The following MMS19 variants were observed in gnomAD, a reference collection of about 807,000 sequenced individuals.
MMS19 encodes MMS19 nucleotide excision repair protein homolog.
A neutral mutation model predicts 129.8 loss-of-function variants in MMS19; 77 were observed. The ratio of observed to expected loss-of-function variants is 0.59; its 90% CI spans 0.49 to 0.72. MMS19 has a LOEUF of 0.72. Ranked by LOEUF, MMS19 falls within the 30% of genes least tolerant of loss-of-function variation. MMS19 has a pLI of 0.00. For missense variants in MMS19, 1,168 were observed against 1,266.3 expected (o/e 0.92, Z 1.18); for synonymous variants, 491 against 502.8 (o/e 0.98, Z 0.31).
intron 17 of MMS19, 52 bp from the exon 18 acceptor site, chr10:97,466,006 G>T (rs1471334123): frequency 3.0e-5 from 48 of 1,611,394 alleles, no homozygotes; most frequent in Non-Finnish European, 4.0e-5. Flanking sequence ...AAGCACGAAG[G>T]CCCCAAAGCC....
At position 97,482,106 on chromosome 10, in the gene MMS19, A is replaced by G. The variant is rs534868841; in HGVS notation, c.162-1064T>C. On this transcript the variant is annotated intron_variant, in intron 2 of 30. Transcript: ENST00000438925. ...TGGGTGGATGGCTTGGGCCCAGGAG[A>G]TCGAGGCTGCAGTGGGCCATGATCG... Among the ~76,000 whole-genome samples the G allele has an allele frequency of 2.4e-4, 36 of 152,230 alleles. No individual in the cohort carries two copies. In the South Asian group the frequency reaches 3.1e-3, roughly 13 times the overall value.
intron 22 of MMS19, 57 bp downstream of exon 22, chr10:97,461,771 G>C (rs1374780759): frequency 1.3e-6 from 2 of 1,566,550 alleles, no homozygotes; most frequent in African/African-American, 2.7e-5. Flanking sequence ...GCAAATTTCA[G>C]CCCGGAGTCA....
chr10:97,470,882 G>A, intron 8 of MMS19, 21 bp from the exon 9 acceptor site: 2 of 1,610,320 alleles, frequency 1.2e-6, no homozygotes, highest in Non-Finnish European at 8.5e-7. Flanking sequence ...GAGAAGGGCT[G>A]TGGGTTTGTG....
intron 10 of MMS19, 81 bp downstream of exon 10, chr10:97,470,048 G>C (rs970742669): frequency 2.0e-6 from 2 of 1,005,364 alleles, no homozygotes; most frequent in African/African-American, 3.2e-5. Flanking sequence ...ACTGTTCCTT[G>C]GCTATCCTAG....
At chr10:97,496,493 C>T (rs1589840308) in intron 1 of MMS19, among the ~76,000 whole-genome samples, 1 of 123,960 alleles carries the variant, frequency 8.1e-6, no homozygotes, top group East Asian at 2.3e-4. Flanking sequence ...GCCTGGCAGA[C>T]AGAGAGGGAC....
In MMS19 at chr10:97,462,868, T is replaced by A. The variant is rs2032387247; in HGVS notation, c.1913-186A>T. 6 of 600,688 alleles carry A rather than the reference T, an allele frequency of 1.0e-5. No individual in the cohort carries two copies. The South Asian group carries it at 1.2e-4, about 12-fold the overall frequency. 37.2% of individuals were successfully genotyped at this position (600,688 alleles called of 1,614,324 possible). On this transcript the variant is annotated intron_variant, in intron 19 of 30. Transcript: ENST00000438925. ...CACCAGAAACAGGAGTGGTCTGACC[T>A]GGGGCCACAGAGCGCTCCTGAGAAC...
At chr10:97,486,461 G>A (rs1351424445) in intron 1 of MMS19, among the ~76,000 whole-genome samples, 3 of 152,216 alleles carry the variant, frequency 2.0e-5, no homozygotes, top group African/African-American at 4.8e-5. Flanking sequence ...GATTGCAGGC[G>A]TGAGCCACTG....
Position 97,467,985 on chromosome 10 carries a change from A to T in MMS19, c.1218+267T>A, listed in dbSNP as rs868559211. Among the ~76,000 whole-genome samples, 101 of 145,638 alleles carry T rather than the reference A, an allele frequency of 6.9e-4. 1 individual carries two copies. Among genetic ancestry groups the T allele is most frequent in the Middle Eastern group, 3.6e-3 (1 of 280 alleles). ...GTCCTGCTTGGCTAATTTAAAAAAA[A>T]TTTTTTTTTTTTTAGAGATGGGATC... is the stretch of plus-strand genomic sequence containing the variant. On this transcript the variant is annotated intron_variant, in intron 13 of 30. Coordinates refer to ENST00000438925, the MANE Select transcript of MMS19 (RefSeq NM_022362.5).
intron 10 of MMS19, 147 bp downstream of exon 10, chr10:97,469,982 G>T (rs959494265): frequency 4.5e-6 from 3 of 665,880 alleles, no homozygotes; most frequent in African/African-American, 3.6e-5. Context: ...TGCAGCTGGG[G>T]GCTTCAGGTC....
intron 1 of MMS19, among the ~76,000 whole-genome samples, chr10:97,492,593 AAT>A: frequency 6.6e-6 from 1 of 151,922 alleles, no homozygotes; most frequent in South Asian, 2.1e-4. Flanking sequence ...TCACACCTGT[AAT>A]CCTTGCACTT....
rs200237412 is a variant in MMS19 at position 97,483,368 on chromosome 10, T to A, written c.161+735A>T. Among the ~76,000 whole-genome samples, 81 of 152,062 alleles carry A rather than the reference T, an allele frequency of 5.3e-4. No homozygotes were observed. In the East Asian group the frequency reaches 7.7e-3, roughly 15 times the overall value. ...TGCACCCAGCCAATACTGTATATAT[T>A]TTTTTTAATGGACCAAGGCCACCAC... On this transcript the variant is annotated intron_variant, in intron 2 of 30. Transcript: ENST00000438925.
intron 8 of MMS19, among the ~76,000 whole-genome samples, chr10:97,473,295 T>TA (rs2035119694): frequency 1.3e-5 from 2 of 152,036 alleles, no homozygotes; most frequent in Non-Finnish European, 2.9e-5. Context: ...CTCGGCCTCT[T>TA]AAAGTGCTTA....
At chr10:97,478,205 G>A in intron 4 of MMS19, 99 bp downstream of exon 4, 1 of 932,858 alleles carries the variant, frequency 1.1e-6, no homozygotes, top group Non-Finnish European at 1.7e-6. Flanking sequence ...TTGGGCACCT[G>A]CTCCTCAGCA....
intron 1 of MMS19, among the ~76,000 whole-genome samples, chr10:97,494,208 G>A (rs1467128847): frequency 1.3e-5 from 2 of 152,136 alleles, no homozygotes; most frequent in African/African-American, 4.8e-5. Context: ...TTTCCAACAC[G>A]TTCAAGATTT....
At chr10:97,497,430 GTT>G (rs957754776) in intron 1 of MMS19, among the ~76,000 whole-genome samples, 1 of 151,624 alleles carries the variant, frequency 6.6e-6, no homozygotes, top group African/African-American at 2.4e-5. Flanking sequence ...AATTTCCAAA[GTT>G]TTTTTAAAAA....
chr10:97,474,328 A>C (rs2035342406), intron 8 of MMS19, among the ~76,000 whole-genome samples: 1 of 151,954 alleles, frequency 6.6e-6, no homozygotes, highest in African/African-American at 2.4e-5. Context: ...AGATCAGTTG[A>C]GGTGAGGAGT....
rs750322361 is a variant in MMS19 at position 97,460,655 on chromosome 10, G to GT, written c.2469+39dup. ...AGGAATAGGAGCAACCAGAAAGTTT[G>GT]TTTAGGTCCTGGGTTCTTCTGTCTC... On this transcript the variant is annotated intron_variant, in intron 25 of 30. Transcript: ENST00000438925. The GT allele has an allele frequency of 8.8e-4, 1,338 of 1,526,790 alleles. 3 individuals are homozygous for GT. The highest frequency in any genetic ancestry group is 1.1e-3 in the Non-Finnish European group (1,223 of 1,119,504). The allele number at this position is 1,526,790 out of a possible 1,614,324, so 94.6% of individuals were successfully genotyped here. A position where few individuals can be genotyped will look rare whatever the true frequency, so the allele number is the denominator to read the frequency against.
chr10:97,479,833 GA>G lies in MMS19; in HGVS notation c.262+1108del, dbSNP rs892762293. 4.8e-3 allele frequency among the ~76,000 whole-genome samples: 676 copies of G among 139,790 alleles called. 4 individuals are homozygous for G. The highest frequency in any genetic ancestry group is 0.016 in the African/African-American group (611 of 38,230). The allele number at this position is 139,790 out of a possible 152,430, so 91.7% of individuals were successfully genotyped here. A position where few individuals can be genotyped will look rare whatever the true frequency, so the allele number is the denominator to read the frequency against. ...CCCCCAATAAACCTTGAACAGTTAA[GA>G]AAAAAAAAAAAGAAAGAAATTATTT... On this transcript the variant is annotated intron_variant, in intron 3 of 30. Coordinates refer to ENST00000438925, the MANE Select transcript of MMS19 (RefSeq NM_022362.5).
intron 3 of MMS19, chr10:97,480,216 C>T (rs780685955): frequency 1.1e-5 from 5 of 457,838 alleles, no homozygotes; most frequent in Non-Finnish European, 2.2e-5. Context: ...CAGACACCGC[C>T]TCCTCCAGCT....
Sources: gnomAD v4.1 joint callset for allele counts (sites outside exome capture counted in the v4.1 genomes callset) on GRCh38, gnomAD v4.1.1 for gene constraint, MANE v1.5 for transcripts, NCBI Gene and HGNC (gene_info 2026-07-23, HGNC 2026-07-21) for gene names.